Variants in TANC2 observed in about 807,000 individuals in gnomAD.
TANC2 encodes tetratricopeptide repeat, ankyrin repeat and coiled-coil containing 2.
In TANC2, 26 loss-of-function variants were observed where a neutral mutation model predicts 210.5. That is an observed-to-expected ratio of 0.12 (90% CI 0.09 to 0.17). The LOEUF (loss-of-function observed/expected upper bound fraction) is 0.17. TANC2 is among the 10% of genes least tolerant of loss of function. The pLI is 1.00. For synonymous variants in TANC2, 931 were observed against 967.1 expected (o/e 0.96, Z 0.69); for missense variants, 2,129 against 2,608.9 (o/e 0.82, Z 4.01).
chr17:63,005,464 C>T (rs2033578380), intron 1 of TANC2, among the ~76,000 whole-genome samples: 1 of 147,034 alleles, frequency 6.8e-6, no homozygotes, highest in South Asian at 2.2e-4. Context: ...ATCAGCTTTG[C>T]AATTTCTAAA....
At chr17:63,281,821 A>C (rs968546821) in intron 9 of TANC2, among the ~76,000 whole-genome samples, 2 of 152,110 alleles carry the variant, frequency 1.3e-5, no homozygotes, top group Non-Finnish European at 2.9e-5. Flanking sequence ...TACACAAGGA[A>C]GGGGGCCATG....
chr17:63,217,443 T>C (rs755079059), intron 7 of TANC2, among the ~76,000 whole-genome samples: 1 of 152,224 alleles, frequency 6.6e-6, no homozygotes, highest in Non-Finnish European at 1.5e-5. Context: ...TATTTTTCTT[T>C]TTCTCTACAC....
At chr17:63,221,985 CTT>C (rs1165888994) in intron 7 of TANC2, among the ~76,000 whole-genome samples, 1 of 152,180 alleles carries the variant, frequency 6.6e-6, no homozygotes, top group Non-Finnish European at 1.5e-5. Flanking sequence ...TGGCTGAGGT[CTT>C]AGTCCATTTG....
intron 26 of TANC2, among the ~76,000 whole-genome samples, chr17:63,415,959 A>C (rs780481474): frequency 1.3e-5 from 2 of 152,130 alleles, no homozygotes; most frequent in Non-Finnish European, 1.5e-5. Context: ...CATACCACCA[A>C]GTCAGTGTTC....
intron 2 of TANC2, among the ~76,000 whole-genome samples, chr17:63,013,686 T>C (rs554068073): frequency 2.4e-4 from 35 of 143,984 alleles, no homozygotes; most frequent in African/African-American, 8.8e-4. Flanking sequence ...CGCTTGAGCC[T>C]GGGAGGCGGA....
chr17:63,140,916 A>C (rs2039266057), intron 4 of TANC2, among the ~76,000 whole-genome samples: 1 of 151,788 alleles, frequency 6.6e-6, no homozygotes, highest in Non-Finnish European at 1.5e-5. Context: ...CACCTGGCTA[A>C]TTTTTGTAGT....
chr17:63,073,982 G>C (rs1198178736), exon 3 of TANC2: 1 of 1,590,338 alleles, frequency 6.3e-7, no homozygotes, highest in Non-Finnish European at 8.6e-7. Flanking sequence ...AGACAGTCAA[G>C]TGTAGACTCT....
intron 4 of TANC2, among the ~76,000 whole-genome samples, chr17:63,136,678 T>G (rs2039101268): frequency 6.6e-6 from 1 of 152,184 alleles, no homozygotes; most frequent in African/African-American, 2.4e-5. Flanking sequence ...CTTCCTACTA[T>G]GATGAATTTA....
chr17:63,065,222 ATTTTCTT>A (rs1290159559), intron 2 of TANC2, among the ~76,000 whole-genome samples: 2 of 152,148 alleles, frequency 1.3e-5, no homozygotes, highest in Admixed American at 1.3e-4. Flanking sequence ...AAATGACAGA[ATTTTCTT>A]CTTTCTTAAG....
chr17:63,264,638 CT>C (rs2043468987), intron 8 of TANC2, among the ~76,000 whole-genome samples: 1 of 152,052 alleles, frequency 6.6e-6, no homozygotes, highest in East Asian at 1.9e-4. Context: ...GATTTCTCAA[CT>C]TTTTGTGTTG....
At chr17:63,388,653 G>A in exon 16 of TANC2, 1 of 1,605,262 alleles carries the variant, frequency 6.2e-7, no homozygotes, top group South Asian at 1.1e-5. Context: ...TAAAAAAGTT[G>A]GTGTATCATC....
At chr17:63,134,730 A>G (rs1050242503) in intron 4 of TANC2, among the ~76,000 whole-genome samples, 3 of 152,376 alleles carry the variant, frequency 2.0e-5, no homozygotes, top group East Asian at 3.9e-4. Flanking sequence ...GTTGAAGACT[A>G]CATGATAGGC....
intron 21 of TANC2, among the ~76,000 whole-genome samples, chr17:63,411,030 G>A (rs1206373445): frequency 6.6e-6 from 1 of 152,082 alleles, no homozygotes; most frequent in East Asian, 1.9e-4. Flanking sequence ...AGAGGCAGGA[G>A]GATGGAGATA....
At chr17:63,263,499 G>A (rs1026630832) in intron 8 of TANC2, among the ~76,000 whole-genome samples, 2 of 152,234 alleles carry the variant, frequency 1.3e-5, no homozygotes, top group African/African-American at 4.8e-5. Flanking sequence ...ACCATAAAAT[G>A]TGCCAATTAT....
At chr17:63,040,202 CT>C (rs1371199084) in intron 2 of TANC2, among the ~76,000 whole-genome samples, 4 of 152,106 alleles carry the variant, frequency 2.6e-5, no homozygotes, top group Non-Finnish European at 5.9e-5. Context: ...ATGATTACCT[CT>C]TTTATGAAAG....
intron 19 of TANC2, among the ~76,000 whole-genome samples, chr17:63,400,427 ATATTT>A (rs1315027244): frequency 6.6e-6 from 1 of 152,178 alleles, no homozygotes. Context: ...GATTTTTAAA[ATATTT>A]TATTCCTTAA....
exon 10 of TANC2, chr17:63,314,606 C>G (rs745560986): frequency 1.2e-6 from 2 of 1,613,956 alleles, no homozygotes; most frequent in Non-Finnish European, 1.7e-6. Context: ...ACTGGTGGCC[C>G]TCAGCTGCCA....
intron 5 of TANC2, among the ~76,000 whole-genome samples, chr17:63,185,257 G>GT (rs1479977676): frequency 1.3e-5 from 2 of 151,998 alleles, no homozygotes; most frequent in Non-Finnish European, 2.9e-5. Context: ...CACCCGGCTA[G>GT]TTTTTGTATT....
chr17:63,074,265 A>G (rs1273459935), intron 3 of TANC2, among the ~76,000 whole-genome samples: 1 of 152,040 alleles, frequency 6.6e-6, no homozygotes, highest in African/African-American at 2.4e-5. Flanking sequence ...ATTATGGTAT[A>G]TATCTGGATA....
Sources: gnomAD v4.1 joint callset for allele counts (sites outside exome capture counted in the v4.1 genomes callset) on GRCh38, gnomAD v4.1.1 for gene constraint, MANE v1.5 for transcripts, NCBI Gene and HGNC (gene_info 2026-07-23, HGNC 2026-07-21) for gene names.